ZFR2: variants seen among roughly 807,000 people sequenced by gnomAD.
ZFR2 encodes zinc finger RNA binding protein 2, also known as zinc finger RNA-binding protein 2.
Under a neutral mutation model 105.7 loss-of-function variants are expected in ZFR2, and 104 were observed. The observed-to-expected ratio is 0.98, with a 90% CI of 0.84 to 1.16. ZFR2 has a LOEUF of 1.16. Among genes scored for constraint, ZFR2 ranks in the 50% most tolerant of loss-of-function variants. The pLI is 0.00. For synonymous variants in ZFR2, 634 were observed against 597.7 expected, an observed-to-expected ratio of 1.06 and a Z score of -0.89; for missense variants, 1,425 against 1,355.5, an observed-to-expected ratio of 1.05 and a Z score of -0.80.
At position 3,823,199 on chromosome 19, in the gene ZFR2, A is replaced by C; in HGVS notation, c.1371+47T>G. 1 of 1,612,558 alleles carries C rather than the reference A, an allele frequency of 6.2e-7. No homozygotes were observed. Among genetic ancestry groups the C allele is most frequent in the African/African-American group, 1.3e-5 (1 of 75,024 alleles). On this transcript the variant is annotated intron_variant, in intron 8 of 18. Transcript: ENST00000262961. This position sits in a 1 kb window ranked among gnomAD's most constrained non-coding sequence, Gnocchi z 5.4. ...AGGTCTCGAAGCCTGATCCATGGGA[A>C]GGTCCTTCCCTGACCGGGGCACCAG...
intron 16 of ZFR2, among the ~76,000 whole-genome samples, 196 bp from the exon 17 acceptor site, chr19:3,809,179 C>T (rs1568416164): frequency 6.6e-6 from 1 of 152,202 alleles, no homozygotes. Flanking sequence ...AGGCTGGTTT[C>T]TTTCTTTTCT....
Position 3,827,635 on chromosome 19 carries a change from C to T in ZFR2, c.871G>A (p.Gly291Arg). 2 of 1,581,924 alleles carry T rather than the reference C, an allele frequency of 1.3e-6. No homozygotes were observed. Among genetic ancestry groups the T allele is most frequent in the Non-Finnish European group, 1.7e-6 (2 of 1,164,424 alleles). ...TCCTTCTTTCTGTGCTTCTGCCCTC[C>T]CAGATGTTCCCGGTAGGTCTGCGGC... ...AGPQTYREHL[G>R]GQKHRKKEAA... The change falls in exon 6 of 19, where the codon GGA (glycine) becomes AGA (arginine). Residue 291 changes from glycine to arginine, a missense_variant. Gly to Arg is a moderately radical substitution (Grantham distance 125). Coordinates refer to ENST00000262961, the MANE Select transcript of ZFR2 (RefSeq NM_015174.2).
At chr19:3,852,155 C>CAAGG (rs2038245005) in intron 1 of ZFR2, 7 of 397,676 alleles carry the variant, frequency 1.8e-5, no homozygotes, top group Admixed American at 4.4e-5. Flanking sequence ...CTCTTCTGGC[C>CAAGG]CAGGCGGGGC....
At chr19:3,865,524 A>AT (rs919197835) in intron 1 of ZFR2, among the ~76,000 whole-genome samples, 16 of 151,914 alleles carry the variant, frequency 1.1e-4, no homozygotes, top group African/African-American at 3.6e-4. Flanking sequence ...CTAATTGTTA[A>AT]TTTTTTTATA....
At chr19:3,822,503 C>T (rs1311819510) in intron 8 of ZFR2, among the ~76,000 whole-genome samples, 5 of 151,728 alleles carry the variant, frequency 3.3e-5, no homozygotes, top group Non-Finnish European at 5.9e-5. Context: ...CCCAAGAGTT[C>T]AAGACCAGCC....
chr19:3,808,096 CCTGT>C (rs2037721340), intron 17 of ZFR2, among the ~76,000 whole-genome samples: 1 of 140,108 alleles, frequency 7.1e-6, no homozygotes, highest in Admixed American at 7.4e-5. Context: ...TCCATGTGTG[CCTGT>C]ATGTGTGCTC....
chr19:3,822,051 G>A (rs1201991069), intron 9 of ZFR2, 30 bp downstream of exon 9: 8 of 1,569,154 alleles, frequency 5.1e-6, no homozygotes, highest in Middle Eastern at 3.4e-4. Flanking sequence ...CAGCCCGGAC[G>A]GGTGTCGGAG....
At chr19:3,808,097 CTGTA>C (rs2037721365) in intron 17 of ZFR2, among the ~76,000 whole-genome samples, 1 of 132,998 alleles carries the variant, frequency 7.5e-6, no homozygotes, top group Non-Finnish European at 1.6e-5. Flanking sequence ...CCATGTGTGC[CTGTA>C]TGTGTGCTCA....
At chr19:3,830,473 A>G (rs750346897) in intron 5 of ZFR2, among the ~76,000 whole-genome samples, 25 of 152,172 alleles carry the variant, frequency 1.6e-4, no homozygotes, top group Non-Finnish European at 3.2e-4. Flanking sequence ...CACTCTGCAA[A>G]GAAGGCCGGG....
chr19:3,844,015 G>GC (rs1555757833), intron 1 of ZFR2, among the ~76,000 whole-genome samples: 8 of 128,868 alleles, frequency 6.2e-5, no homozygotes, highest in Admixed American at 3.1e-4. Flanking sequence ...GTAGGATGTG[G>GC]GGGGGGGGGT....
At position 3,834,641 on chromosome 19, in the gene ZFR2, A is replaced by G; in HGVS notation, c.264+132T>C. On this transcript the variant is annotated intron_variant, in intron 2 of 18. Transcript: ENST00000262961. This position sits in a 1 kb window ranked among gnomAD's most constrained non-coding sequence, Gnocchi z 5.3. The stretch of plus-strand genomic sequence containing the variant: ...CCCACCACGGGTACGCAATGCCAGC[A>G]GAAGGGTCCCGAAGGAAGGATCACG... The G allele has an allele frequency of 1.0e-6, 1 of 993,250 alleles. No individual in the cohort carries two copies. The allele number at this position is 993,250 out of a possible 1,614,324, so 61.5% of individuals were successfully genotyped here.
chr19:3,806,420 G>T (rs1353451586), intron 18 of ZFR2, among the ~76,000 whole-genome samples: 1 of 152,166 alleles, frequency 6.6e-6, no homozygotes, highest in Non-Finnish European at 1.5e-5. Context: ...GTGCCACCAC[G>T]CCCAGCTAAT....
chr19:3,868,338 G>A (rs542819440), intron 1 of ZFR2, among the ~76,000 whole-genome samples: 1 of 147,408 alleles, frequency 6.8e-6, no homozygotes, highest in Non-Finnish European at 1.5e-5. Context: ...CCCCTGCCCG[G>A]CCAGGCACCC....
At chr19:3,845,510 T>C (rs1189855009) in intron 1 of ZFR2, among the ~76,000 whole-genome samples, 2 of 144,474 alleles carry the variant, frequency 1.4e-5, no homozygotes, top group South Asian at 4.4e-4. Context: ...AACTGCAACA[T>C]GGTCCCTACA....
chr19:3,857,538 A>G (rs997055495), intron 1 of ZFR2, among the ~76,000 whole-genome samples: 1 of 151,268 alleles, frequency 6.6e-6, no homozygotes, highest in African/African-American at 2.4e-5. Flanking sequence ...ATACAAAAAA[A>G]AAAAAAAAAG....
At chr19:3,831,969 A>C (rs1224352121) in intron 3 of ZFR2, 91 bp from the exon 4 acceptor site, 1 of 1,128,236 alleles carries the variant, frequency 8.9e-7, no homozygotes, top group African/African-American at 1.6e-5. Context: ...TGGCTGGAAC[A>C]CGCTAGATGC....
In ZFR2 at chr19:3,804,600, A is replaced by T. The variant is rs1384002503; in HGVS notation, c.*1349T>A. 6.6e-6 allele frequency: 1 copy of T among 150,950 alleles called. No individual in the cohort carries two copies. Among genetic ancestry groups the T allele is most frequent in the African/African-American group, 2.4e-5 (1 of 40,852 alleles). The allele number at this position is 150,950 out of a possible 1,614,324, so 9.4% of individuals were successfully genotyped here. On this transcript the variant is annotated 3_prime_UTR_variant, in exon 19 of 19. Coordinates refer to ENST00000262961, the MANE Select transcript of ZFR2 (RefSeq NM_015174.2). Reference sequence around the variant, plus strand: ...TGTCCAGCACAGCTGTTCCCGGGGGAGGCCCAGCCAGGATCCTCATCGCCC... The same window carrying T: ...TGTCCAGCACAGCTGTTCCCGGGGGTGGCCCAGCCAGGATCCTCATCGCCC...
chr19:3,860,658 C>T (rs1424858455), intron 1 of ZFR2, among the ~76,000 whole-genome samples: 3 of 152,290 alleles, frequency 2.0e-5, no homozygotes, highest in Admixed American at 6.5e-5. Flanking sequence ...CGATACCATG[C>T]TGATCACGCT....
intron 1 of ZFR2, among the ~76,000 whole-genome samples, chr19:3,868,589 C>A (rs1599263813): frequency 6.6e-6 from 1 of 151,726 alleles, no homozygotes; most frequent in Non-Finnish European, 1.5e-5. Flanking sequence ...ACCCACCCCC[C>A]GCCCGGGTCT....
Sources: gnomAD v4.1 joint callset for allele counts (sites outside exome capture counted in the v4.1 genomes callset) on GRCh38, gnomAD v4.1.1 for gene constraint, Gnocchi (gnomAD v3.1) non-coding constraint, MANE v1.5 for transcripts, NCBI Gene and HGNC (gene_info 2026-07-23, HGNC 2026-07-21) for gene names.